Variants in MINDY2 observed in about 807,000 individuals in gnomAD.
The protein encoded by MINDY2 is MINDY lysine 48 deubiquitinase 2.
Under a neutral mutation model 68.2 loss-of-function variants are expected in MINDY2, and 52 were observed. The ratio of observed to expected loss-of-function variants is 0.76; its 90% CI spans 0.61 to 0.96. MINDY2 has a LOEUF of 0.96. Ranked by LOEUF, MINDY2 falls within the 40% of genes least tolerant of loss-of-function variation. The pLI, the probability that MINDY2 is intolerant of heterozygous loss-of-function variation, is 0.00. For synonymous variants in MINDY2, 372 were observed against 303.0 expected (o/e 1.23, Z -2.36); for missense variants, 881 against 773.4 (o/e 1.14, Z -1.65).
At chr15:58,787,230 G>C (rs1440308366) in intron 1 of MINDY2, among the ~76,000 whole-genome samples, 1 of 139,822 alleles carries the variant, frequency 7.2e-6, no homozygotes, top group Non-Finnish European at 1.5e-5. Flanking sequence ...CTGACCTCAA[G>C]TGATCTGCCC....
At chr15:58,828,006 G>A (rs1271723345) in intron 5 of MINDY2, among the ~76,000 whole-genome samples, 1 of 151,896 alleles carries the variant, frequency 6.6e-6, no homozygotes, top group Admixed American at 6.6e-5. Flanking sequence ...GCCGAGGTGG[G>A]TGGATCACCT....
At chr15:58,807,851 C>G (rs528569593) in intron 3 of MINDY2, among the ~76,000 whole-genome samples, 58 of 152,232 alleles carry the variant, frequency 3.8e-4, no homozygotes, top group African/African-American at 1.3e-3. Context: ...ATTCCATGGA[C>G]ACAGTAATAA....
intron 6 of MINDY2, among the ~76,000 whole-genome samples, chr15:58,845,773 A>G (rs1359152875): frequency 6.6e-6 from 1 of 152,258 alleles, no homozygotes; most frequent in Non-Finnish European, 1.5e-5. Context: ...ACTATTCGCA[A>G]TAGCCAAGAT....
chr15:58,796,536 G>GT (rs1489972739), intron 2 of MINDY2, among the ~76,000 whole-genome samples: 1 of 152,098 alleles, frequency 6.6e-6, no homozygotes, highest in Non-Finnish European at 1.5e-5. Flanking sequence ...ATTTTGTTTT[G>GT]TTTTTTGAAA....
intron 2 of MINDY2, among the ~76,000 whole-genome samples, chr15:58,793,626 G>A (rs1165417234): frequency 6.6e-6 from 1 of 151,950 alleles, no homozygotes; most frequent in Non-Finnish European, 1.5e-5. Flanking sequence ...CTAGAGAAAG[G>A]GAACTGCAAA....
At chr15:58,784,241 G>A (rs984573912) in intron 1 of MINDY2, among the ~76,000 whole-genome samples, 1 of 151,962 alleles carries the variant, frequency 6.6e-6, no homozygotes, top group Non-Finnish European at 1.5e-5. Context: ...TGGGAGGACT[G>A]CTTGAGCTGG....
At position 58,771,362 on chromosome 15, in the gene MINDY2, C is replaced by T. The variant is rs759386546; in HGVS notation, c.-34C>T. On this transcript the variant is annotated 5_prime_UTR_variant, in exon 1 of 9. Coordinates refer to ENST00000559228, the MANE Select transcript of MINDY2 (RefSeq NM_001040450.3). ...GGCGCTGGCTGCGGAGAAGTGGCCG[C>T]GGTCTCCATAGAGCTGGGGGCGGGC... is the stretch of plus-strand genomic sequence containing the variant. 6.3e-7 allele frequency: 1 copy of T among 1,578,068 alleles called. No individual in the cohort carries two copies. Among genetic ancestry groups the T allele is most frequent in the East Asian group, 2.3e-5 (1 of 42,918 alleles).
intron 6 of MINDY2, among the ~76,000 whole-genome samples, chr15:58,839,180 G>A (rs139986422): frequency 6.6e-6 from 1 of 152,048 alleles, no homozygotes; most frequent in African/African-American, 2.4e-5. Context: ...AGAGATGTTT[G>A]AGCTGTGGGC....
chr15:58,854,307 G>A (rs2032974594), intron 8 of MINDY2, among the ~76,000 whole-genome samples, 175 bp from the exon 9 acceptor site: 1 of 151,888 alleles, frequency 6.6e-6, no homozygotes, highest in Middle Eastern at 3.4e-3. Context: ...ATTATATCCA[G>A]AATGGTAGCG....
At chr15:58,832,276 G>C (rs1339921679) in intron 6 of MINDY2, among the ~76,000 whole-genome samples, 1 of 150,584 alleles carries the variant, frequency 6.6e-6, no homozygotes, top group Non-Finnish European at 1.5e-5. Flanking sequence ...GCCCAGGCTG[G>C]AGTGCAATGG....
Position 58,851,767 on chromosome 15 carries a change from T to C in MINDY2, c.1543-4T>C, listed in dbSNP as rs927334765. 2.6e-6 allele frequency: 4 copies of C among 1,554,274 alleles called. No individual in the cohort carries two copies. The highest frequency in any genetic ancestry group is 2.8e-5 in the African/African-American group (2 of 71,476). Reference sequence around the variant, plus strand: ...CTAATGATGGTTATAATTTAATTTATTAGGATTATCTTATGGCATTATCTC... The same window carrying C: ...CTAATGATGGTTATAATTTAATTTACTAGGATTATCTTATGGCATTATCTC... On this transcript the variant is annotated splice_region_variant and splice_polypyrimidine_tract_variant and intron_variant, in intron 7 of 8. Transcript: ENST00000559228.
chr15:58,835,919 GTTTTGTTTTT>G (rs2031971508), intron 6 of MINDY2, among the ~76,000 whole-genome samples: 1 of 151,934 alleles, frequency 6.6e-6, no homozygotes, highest in African/African-American at 2.4e-5. Context: ...GTTTTGTTTT[GTTTTGTTTTT>G]GAGATGGGGT....
At chr15:58,854,183 G>A (rs62004762) in intron 8 of MINDY2, among the ~76,000 whole-genome samples, 6,974 of 151,578 alleles carry the variant, frequency 0.046, 182 homozygotes, top group East Asian at 0.077. Flanking sequence ...AGTGGAGGTT[G>A]CAGTGAGACA....
intron 3 of MINDY2, among the ~76,000 whole-genome samples, chr15:58,809,168 T>C (rs568688376): frequency 1.1e-3 from 165 of 152,164 alleles, no homozygotes; most frequent in Non-Finnish European, 2.1e-3. Context: ...GCCATGATCA[T>C]ACCACTGCAC....
At chr15:58,794,091 A>G (rs1902113721) in intron 2 of MINDY2, among the ~76,000 whole-genome samples, 2 of 151,608 alleles carry the variant, frequency 1.3e-5, no homozygotes, top group Non-Finnish European at 2.9e-5. Context: ...ACATGTTGCC[A>G]GTGGTGGGGC....
In MINDY2 at chr15:58,857,949, A is replaced by G. The variant is rs1375457298; in HGVS notation, c.*3339A>G. The G allele has an allele frequency of 6.6e-6, 1 of 152,208 alleles. No homozygotes were observed. Among genetic ancestry groups the G allele is most frequent in the Non-Finnish European group, 1.5e-5 (1 of 68,034 alleles). 9.4% of individuals were successfully genotyped at this position (152,208 alleles called of 1,614,324 possible). On this transcript the variant is annotated 3_prime_UTR_variant, in exon 9 of 9. Coordinates refer to ENST00000559228, the MANE Select transcript of MINDY2 (RefSeq NM_001040450.3). Reference sequence around the variant, plus strand: ...CTTCATGTCTAATCCCATTGCATCCACAATGCTGTGATTTATAGTACATGA... The same window carrying G: ...CTTCATGTCTAATCCCATTGCATCCGCAATGCTGTGATTTATAGTACATGA...
intron 2 of MINDY2, among the ~76,000 whole-genome samples, chr15:58,790,087 C>G (rs777386086): frequency 2.6e-5 from 4 of 152,100 alleles, no homozygotes; most frequent in Non-Finnish European, 5.9e-5. Context: ...CAGGAAGACC[C>G]TTTTTAGAAA....
intron 2 of MINDY2, among the ~76,000 whole-genome samples, chr15:58,789,065 C>T (rs978604060): frequency 6.6e-5 from 9 of 136,276 alleles, no homozygotes; most frequent in East Asian, 2.3e-4. Context: ...GGGCCGGGCA[C>T]GGTGGCTCAC....
At chr15:58,836,076 A>AT (rs1206987102) in intron 6 of MINDY2, among the ~76,000 whole-genome samples, 1 of 151,696 alleles carries the variant, frequency 6.6e-6, no homozygotes, top group South Asian at 2.1e-4. Flanking sequence ...CACCCAGCTA[A>AT]TTTTTTTGTA....
Sources: allele counts gnomAD v4.1 joint callset (sites outside exome capture counted in the v4.1 genomes callset), GRCh38; gene constraint gnomAD v4.1.1; transcripts MANE v1.5; gene names NCBI Gene and HGNC (gene_info 2026-07-23, HGNC 2026-07-21).